SLC6A11: variants seen among roughly 807,000 people sequenced by gnomAD.
SLC6A11 encodes the protein solute carrier family 6 member 11.
Under a neutral mutation model 74.8 loss-of-function variants are expected in SLC6A11, and 25 were observed. That is an observed-to-expected ratio of 0.33 (90% CI 0.24 to 0.47). SLC6A11 has a LOEUF of 0.47. Among genes scored for constraint, SLC6A11 ranks in the 20% least tolerant of loss-of-function variants. SLC6A11 has a pLI of 1.00. For synonymous variants in SLC6A11, 330 were observed against 330.2 expected (o/e 1.00, Z 0.01); for missense variants, 574 against 837.0 (o/e 0.69, Z 3.88).
intron 6 of SLC6A11, among the ~76,000 whole-genome samples, chr3:10,898,327 T>C (rs1335528307): frequency 6.6e-6 from 1 of 152,262 alleles, no homozygotes; most frequent in Non-Finnish European, 1.5e-5. Context: ...TTTTCTTTTC[T>C]ATCACATTAC....
intron 5 of SLC6A11, among the ~76,000 whole-genome samples, chr3:10,873,982 G>A (rs911256679): frequency 1.4e-5 from 2 of 139,216 alleles, no homozygotes; most frequent in African/African-American, 2.8e-5. Context: ...GCTACGCTAC[G>A]CTACGCTACG....
intron 6 of SLC6A11, among the ~76,000 whole-genome samples, chr3:10,878,602 A>G (rs901284469): frequency 6.8e-6 from 1 of 146,414 alleles, no homozygotes; most frequent in African/African-American, 2.5e-5. Context: ...TTTAGTAGAG[A>G]TGGGGTTTTG....
At chr3:10,886,521 C>T (rs943974967) in intron 6 of SLC6A11, among the ~76,000 whole-genome samples, 3 of 152,180 alleles carry the variant, frequency 2.0e-5, no homozygotes, top group Admixed American at 6.5e-5. Flanking sequence ...AAACGTCCCT[C>T]ACTAGGCTGG....
chr3:10,904,510 T>C (rs1260629263), intron 6 of SLC6A11, among the ~76,000 whole-genome samples: 2 of 152,178 alleles, frequency 1.3e-5, no homozygotes, highest in Non-Finnish European at 1.5e-5. Flanking sequence ...TGGGGAGTGA[T>C]CCCTTTCTCA....
chr3:10,938,301 C>T lies in SLC6A11; in HGVS notation c.1798C>T (p.Leu600Phe), dbSNP rs776712326. Residue 600 changes from leucine (L) to phenylalanine (F), a missense_variant, in exon 14 of 14, where the codon CTT (leucine) becomes TTT (phenylalanine). By Grantham distance (22) the Leu-to-Phe change is conservative. Transcript: ENST00000254488. ...CACAGATCTGAAAATGCGGGGCAAGCTTGGGGTGAGCCCACGGATGGTGAC... is the reference window on the plus strand; with the variant it reads ...CACAGATCTGAAAATGCGGGGCAAGTTTGGGGTGAGCCCACGGATGGTGAC... ...PSTDLKMRGK[L>F]GVSPRMVTVN... 1.2e-6 allele frequency: 2 copies of T among 1,612,830 alleles called. No individual in the cohort carries two copies. Among genetic ancestry groups the T allele is most frequent in the South Asian group, 2.2e-5 (2 of 90,902 alleles).
At chr3:10,859,077 C>G (rs530342051) in intron 5 of SLC6A11, among the ~76,000 whole-genome samples, 2 of 152,132 alleles carry the variant, frequency 1.3e-5, no homozygotes, top group African/African-American at 4.8e-5. Context: ...AGGCTTAAAG[C>G]CAGGGGATTC....
Position 10,939,422 on chromosome 3 carries a change from G to C in SLC6A11, c.*1020G>C, listed in dbSNP as rs1337458037. ...AGTTGCTGTGGGGACTGATTTTCTG[G>C]GTGGGGAAGCAGCCATCTATTCTTG... On this transcript the variant is annotated 3_prime_UTR_variant, in exon 14 of 14. Coordinates refer to ENST00000254488, the MANE Select transcript of SLC6A11 (RefSeq NM_014229.3). 6.6e-6 allele frequency: 1 copy of C among 152,442 alleles called. No individual in the cohort carries two copies. Among genetic ancestry groups the C allele is most frequent in the Non-Finnish European group, 1.5e-5 (1 of 68,290 alleles). The allele number at this position is 152,442 out of a possible 1,614,324, so 9.4% of individuals were successfully genotyped here. A position where few individuals can be genotyped will look rare whatever the true frequency, so the allele number is the denominator to read the frequency against.
intron 6 of SLC6A11, among the ~76,000 whole-genome samples, chr3:10,880,771 G>A (rs1343074158): frequency 6.6e-6 from 1 of 152,030 alleles, no homozygotes; most frequent in Non-Finnish European, 1.5e-5. Flanking sequence ...AGGATGGCAG[G>A]GATTACAACA....
intron 6 of SLC6A11, among the ~76,000 whole-genome samples, chr3:10,890,730 T>C (rs1695097879): frequency 6.6e-6 from 1 of 152,252 alleles, no homozygotes; most frequent in African/African-American, 2.4e-5. Flanking sequence ...TTTCATTCCT[T>C]TCTACAGGAT....
chr3:10,918,423 G>C lies in SLC6A11; in HGVS notation c.1090G>C (p.Gly364Arg), dbSNP rs1375110364. 6.2e-7 allele frequency: 1 copy of C among 1,605,828 alleles called. No homozygotes were observed. Among genetic ancestry groups the C allele is most frequent in the Admixed American group, 1.7e-5 (1 of 58,082 alleles). Residue 364 changes from glycine to arginine, a missense_variant, in exon 8 of 14, where the codon GGG becomes CGG. Gly to Arg is a moderately radical substitution (Grantham distance 125). Around this residue, in one of 4 missense-constraint regions of SLC6A11, gnomAD observed 16 missense variants for 50.1 expected, o/e 0.32. Coordinates refer to ENST00000254488, the MANE Select transcript of SLC6A11 (RefSeq NM_014229.3). The surrounding 1 kb of genome is among the most constrained non-coding windows in gnomAD (Gnocchi z 4.5). The part of the protein sequence containing the change: ...SVLGFMAYEQ[G>R]VPIAEVAESG... ...CCTGGGTTTTATGGCGTACGAGCAG[G>C]GGGTACCCATTGCTGAGGTGGCAGA... is the stretch of plus-strand genomic sequence containing the variant.
chr3:10,841,643 A>G (rs564970040), intron 4 of SLC6A11, among the ~76,000 whole-genome samples: 2 of 152,258 alleles, frequency 1.3e-5, no homozygotes, highest in African/African-American at 2.4e-5. Flanking sequence ...AGCAGGCTGC[A>G]TGACTCAAAA....
At chr3:10,868,118 G>A (rs997463755) in intron 5 of SLC6A11, among the ~76,000 whole-genome samples, 2 of 152,234 alleles carry the variant, frequency 1.3e-5, no homozygotes, top group African/African-American at 4.8e-5. Flanking sequence ...GTTTGGATTA[G>A]TCTATCCTTG....
chr3:10,821,006 C>T (rs1291594829), intron 3 of SLC6A11, among the ~76,000 whole-genome samples: 1 of 152,158 alleles, frequency 6.6e-6, no homozygotes, highest in African/African-American at 2.4e-5. Flanking sequence ...TGGCTTCTAG[C>T]CCTATGTGAT....
At chr3:10,933,528 G>C (rs1695718753) in intron 11 of SLC6A11, among the ~76,000 whole-genome samples, 1 of 152,198 alleles carries the variant, frequency 6.6e-6, no homozygotes, top group Non-Finnish European at 1.5e-5. Context: ...AATAACAGTA[G>C]TCATCAACAT....
At chr3:10,851,097 C>T (rs1344937589) in intron 5 of SLC6A11, among the ~76,000 whole-genome samples, 1 of 152,150 alleles carries the variant, frequency 6.6e-6, no homozygotes, top group Non-Finnish European at 1.5e-5. Flanking sequence ...AGTGTCCCCC[C>T]ACGCTGCCCC....
rs527323842 is a variant in SLC6A11 at position 10,892,232 on chromosome 3, A to T, written c.891+17137A>T. ...ATGTTCCATTTCTCTCACTTCTCAT[A>T]TGCAAGCCAAGCGCTGGAAAGCCCT... On this transcript the variant is annotated intron_variant, in intron 6 of 13. Transcript: ENST00000254488. Among the ~76,000 whole-genome samples the T allele has an allele frequency of 5.8e-4, 89 of 152,338 alleles. 1 individual carries two copies. The highest frequency in any genetic ancestry group is 2.1e-3 in the African/African-American group (88 of 41,582).
intron 5 of SLC6A11, among the ~76,000 whole-genome samples, chr3:10,873,094 G>A (rs562822105): frequency 1.1e-4 from 16 of 152,298 alleles, no homozygotes; most frequent in South Asian, 1.0e-3. Context: ...GGGTGTGGCC[G>A]GTGCCACAAG....
intron 6 of SLC6A11, among the ~76,000 whole-genome samples, chr3:10,887,539 G>A (rs1004405618): frequency 1.3e-4 from 20 of 152,030 alleles, no homozygotes; most frequent in Middle Eastern, 3.4e-3. Context: ...TCTGTCTCCC[G>A]GGTTCAAGTG....
chr3:10,896,564 C>A (rs60781962), intron 6 of SLC6A11, among the ~76,000 whole-genome samples: 2 of 152,204 alleles, frequency 1.3e-5, no homozygotes. Flanking sequence ...TCTTCTTTCT[C>A]TCTTGACCCG....
Sources: gnomAD v4.1 joint callset for allele counts (sites outside exome capture counted in the v4.1 genomes callset) on GRCh38, gnomAD v4.1.1 for gene constraint, gnomAD v4.1.1 regional missense constraint, Gnocchi (gnomAD v3.1) non-coding constraint, MANE v1.5 for transcripts, NCBI Gene and HGNC (gene_info 2026-07-23, HGNC 2026-07-21) for gene names.